DIAPH3: variants seen among roughly 807,000 people sequenced by gnomAD.
The protein encoded by DIAPH3 is protein diaphanous homolog 3.
DIAPH3 carries 117 observed loss-of-function variants against 144.3 expected under a neutral mutation model. The observed-to-expected ratio is 0.81, with a 90% CI of 0.70 to 0.95. The LOEUF is 0.95. Among genes scored for constraint, DIAPH3 ranks in the 40% least tolerant of loss-of-function variants. DIAPH3 has a pLI of 0.00. For synonymous variants in DIAPH3, 519 were observed against 488.9 expected, an observed-to-expected ratio of 1.06 and a Z score of -0.81; for missense variants, 1,421 against 1,412.7, an observed-to-expected ratio of 1.01 and a Z score of -0.09.
At chr13:60,115,310 G>A (rs1469382551) in intron 2 of DIAPH3, among the ~76,000 whole-genome samples, 2 of 152,128 alleles carry the variant, frequency 1.3e-5, no homozygotes, top group Non-Finnish European at 2.9e-5. Context: ...CACTTTGTAT[G>A]GGTCCCATGG....
intron 9 of DIAPH3, among the ~76,000 whole-genome samples, chr13:60,007,211 C>A (rs2140928135): frequency 6.6e-6 from 1 of 152,038 alleles, no homozygotes; most frequent in East Asian, 1.9e-4. Flanking sequence ...GCCATCATGC[C>A]CGGCTAATTT....
intron 22 of DIAPH3, among the ~76,000 whole-genome samples, chr13:59,847,366 T>A (rs1254418304): frequency 6.6e-6 from 1 of 152,118 alleles, no homozygotes; most frequent in South Asian, 2.1e-4. Flanking sequence ...GTAGAGGAAA[T>A]GAATACAACC....
At chr13:60,108,883 G>A (rs922989175) in intron 3 of DIAPH3, among the ~76,000 whole-genome samples, 2 of 152,128 alleles carry the variant, frequency 1.3e-5, no homozygotes, top group Non-Finnish European at 2.9e-5. Flanking sequence ...GTGAGTGGGT[G>A]TGTGTGTTGG....
At chr13:60,162,515 T>C (rs985652356) in intron 1 of DIAPH3, among the ~76,000 whole-genome samples, 7 of 152,214 alleles carry the variant, frequency 4.6e-5, no homozygotes, top group African/African-American at 1.7e-4. Context: ...TTCTGCAAAA[T>C]GTCACTATTC....
chr13:59,946,777 T>C (rs1457088597), intron 17 of DIAPH3, among the ~76,000 whole-genome samples: 1 of 152,160 alleles, frequency 6.6e-6, no homozygotes, highest in Non-Finnish European at 1.5e-5. Context: ...TTTTTTTAAC[T>C]ATACCACCAC....
chr13:59,760,968 A>G (rs2037548779), intron 27 of DIAPH3, among the ~76,000 whole-genome samples: 1 of 152,196 alleles, frequency 6.6e-6, no homozygotes, highest in African/African-American at 2.4e-5. Context: ...TTATTCTAAT[A>G]TTAGTGCTAA....
intron 24 of DIAPH3, among the ~76,000 whole-genome samples, chr13:59,832,546 T>C (rs1593594208): frequency 6.6e-6 from 1 of 151,912 alleles, no homozygotes; most frequent in Admixed American, 6.6e-5. Flanking sequence ...GTAGTTCTTT[T>C]CTTCCCCCCA....
intron 2 of DIAPH3, among the ~76,000 whole-genome samples, chr13:60,113,036 G>T (rs2058611145): frequency 6.6e-6 from 1 of 152,088 alleles, no homozygotes; most frequent in Non-Finnish European, 1.5e-5. Context: ...TACTCAAACA[G>T]CACAGTGATT....
intron 25 of DIAPH3, among the ~76,000 whole-genome samples, chr13:59,801,612 T>C (rs2039903029): frequency 6.6e-6 from 1 of 152,226 alleles, no homozygotes; most frequent in South Asian, 2.1e-4. Context: ...AATTGCTTGC[T>C]CTAAAGACAG....
At chr13:59,940,759 C>T (rs2048488535) in intron 17 of DIAPH3, among the ~76,000 whole-genome samples, 1 of 152,068 alleles carries the variant, frequency 6.6e-6, no homozygotes, top group African/African-American at 2.4e-5. Context: ...CCATAAGAGG[C>T]TAAGGGCCTG....
intron 3 of DIAPH3, among the ~76,000 whole-genome samples, chr13:60,097,428 T>A (rs2058137884): frequency 6.6e-6 from 1 of 152,146 alleles, no homozygotes; most frequent in Admixed American, 6.5e-5. Context: ...TTGCCTCCTC[T>A]CTCACCATGT....
intron 4 of DIAPH3, among the ~76,000 whole-genome samples, chr13:60,083,008 T>C (rs577169219): frequency 6.6e-6 from 1 of 152,148 alleles, no homozygotes; most frequent in East Asian, 1.9e-4. Context: ...AAAAGAACAG[T>C]AAGTATCCTT....
chr13:60,041,385 A>G (rs1165523188), intron 5 of DIAPH3, among the ~76,000 whole-genome samples: 1 of 152,224 alleles, frequency 6.6e-6, no homozygotes, highest in Non-Finnish European at 1.5e-5. Context: ...CCCTAGTCTC[A>G]TGCCAACCAT....
chr13:59,974,577 T>C, intron 14 of DIAPH3, 121 bp from the exon 15 acceptor site: 1 of 884,772 alleles, frequency 1.1e-6, no homozygotes, highest in Non-Finnish European at 1.8e-6. Flanking sequence ...ATTGGTTTTA[T>C]GAAAGGAGTG....
At chr13:59,998,614 T>C (rs1249097418) in intron 9 of DIAPH3, among the ~76,000 whole-genome samples, 1 of 152,174 alleles carries the variant, frequency 6.6e-6, no homozygotes, top group African/African-American at 2.4e-5. Flanking sequence ...AAACTCTAGA[T>C]AATGATAACC....
rs56205887 is a variant in DIAPH3 at position 59,692,137 on chromosome 13, C to CTT, written c.3320-25293_3320-25292dup. Among the ~76,000 whole-genome samples the CTT allele has an allele frequency of 4.5e-3, 259 of 58,190 alleles. 12 individuals are homozygous for CTT. Among genetic ancestry groups the CTT allele is most frequent in the Middle Eastern group, 0.014 (1 of 72 alleles). 38.2% of individuals were successfully genotyped at this position (58,190 alleles called of 152,430 possible). A position where few individuals can be genotyped will look rare whatever the true frequency, so the allele number is the denominator to read the frequency against. On this transcript the variant is annotated intron_variant, in intron 27 of 27. Coordinates refer to ENST00000400324, the MANE Select transcript of DIAPH3 (RefSeq NM_001042517.2). ...AGATTACTCATAGCTTTGAGAAATT[C>CTT]TTTTTTTTTTTTTTTTTTTTTTTTT... is the stretch of plus-strand genomic sequence containing the variant.
chr13:59,849,861 A>T (rs2042861992), intron 22 of DIAPH3, among the ~76,000 whole-genome samples: 1 of 143,302 alleles, frequency 7.0e-6, no homozygotes, highest in Non-Finnish European at 1.5e-5. Flanking sequence ...GAAGAAAGTC[A>T]TTGGTAGCTT....
chr13:59,970,706 A>T (rs2050315004), intron 16 of DIAPH3, 146 bp downstream of exon 16: 3 of 712,482 alleles, frequency 4.2e-6, no homozygotes, highest in Non-Finnish European at 6.3e-6. Context: ...TTTTATTGTC[A>T]CTTTGATTAG....
intron 23 of DIAPH3, chr13:59,838,023 T>C (rs2042131260): frequency 6.6e-6 from 1 of 152,122 alleles, no homozygotes; most frequent in Non-Finnish European, 1.5e-5. Context: ...ATTTTGTGAT[T>C]CACTAAATCT....
Sources: allele counts gnomAD v4.1 joint callset (sites outside exome capture counted in the v4.1 genomes callset), GRCh38; gene constraint gnomAD v4.1.1; transcripts MANE v1.5; gene names NCBI Gene and HGNC (gene_info 2026-07-23, HGNC 2026-07-21).